The following AGBL1 variants were observed in gnomAD, a reference collection of about 807,000 sequenced individuals.
The protein encoded by AGBL1 is cytosolic carboxypeptidase 4.
AGBL1 carries 130 observed loss-of-function variants against 118.9 expected under a neutral mutation model. The ratio of observed to expected loss-of-function variants is 1.09; its 90% CI spans 0.95 to 1.26. The LOEUF (loss-of-function observed/expected upper bound fraction) is 1.26. Ranked by LOEUF, AGBL1 falls within the 50% of genes most tolerant of loss-of-function variation. The pLI, the probability that AGBL1 is intolerant of heterozygous loss-of-function variation, is 0.00. For missense variants in AGBL1, 1,584 were observed against 1,298.1 expected (o/e 1.22, Z -3.38); for synonymous variants, 555 against 478.9 (o/e 1.16, Z -2.08).
chr15:86,980,361 G>A (rs1020393067), intron 23 of AGBL1, among the ~76,000 whole-genome samples: 1 of 152,158 alleles, frequency 6.6e-6, no homozygotes, highest in Non-Finnish European at 1.5e-5. Flanking sequence ...TTTGCCACCT[G>A]CGGGAGCATT....
intron 17 of AGBL1, among the ~76,000 whole-genome samples, chr15:86,374,654 G>A (rs1827147326): frequency 6.6e-6 from 1 of 152,142 alleles, no homozygotes; most frequent in Non-Finnish European, 1.5e-5. Context: ...GCATCTATCT[G>A]GCCAAAAGGA....
intron 1 of AGBL1, among the ~76,000 whole-genome samples, chr15:86,096,850 A>C (rs1457197884): frequency 1.3e-5 from 2 of 152,178 alleles, no homozygotes; most frequent in Admixed American, 1.3e-4. Flanking sequence ...GGCTGATCTG[A>C]AGTCAAATGC....
intron 18 of AGBL1, among the ~76,000 whole-genome samples, chr15:86,484,338 C>A (rs140793933): frequency 7.8e-4 from 118 of 152,176 alleles, no homozygotes; most frequent in African/African-American, 2.7e-3. Context: ...CAGAGGAGGG[C>A]AGCGAATCAT....
chr15:86,495,103 A>ACTCT lies in AGBL1; in HGVS notation c.2556-27689_2556-27686dup, dbSNP rs34697784. On this transcript the variant is annotated intron_variant, in intron 18 of 22. Coordinates refer to ENST00000614907, the MANE Select transcript of AGBL1 (RefSeq NM_001386094.1). ...CTAGTGCGCTCCGTCTGTCTCGCTC[A>ACTCT]CTCTCTCTCTCTCTCTCTCTCGCTT... 1.0e-3 allele frequency among the ~76,000 whole-genome samples: 135 copies of ACTCT among 129,526 alleles called. 1 individual carries two copies. Among genetic ancestry groups the ACTCT allele is most frequent in the African/African-American group, 3.4e-3 (119 of 35,170 alleles). 85.0% of individuals were successfully genotyped at this position (129,526 alleles called of 152,430 possible).
chr15:86,259,068 A>G (rs1279915169), intron 9 of AGBL1, among the ~76,000 whole-genome samples: 3 of 152,202 alleles, frequency 2.0e-5, no homozygotes, highest in Admixed American at 6.5e-5. Context: ...TTTTTGTACA[A>G]CAAGTTTTCT....
chr15:86,298,683 T>A (rs888941300), intron 17 of AGBL1, among the ~76,000 whole-genome samples: 1 of 152,110 alleles, frequency 6.6e-6, no homozygotes, highest in Non-Finnish European at 1.5e-5. Flanking sequence ...GGGATTGCAT[T>A]TAGCTGCAAT....
At chr15:86,553,091 C>T (rs1476176616) in intron 20 of AGBL1, among the ~76,000 whole-genome samples, 1 of 152,136 alleles carries the variant, frequency 6.6e-6, no homozygotes, top group Non-Finnish European at 1.5e-5. Context: ...TTCTCATTAA[C>T]TTGTTATGCT....
intron 17 of AGBL1, among the ~76,000 whole-genome samples, chr15:86,352,746 A>G (rs2080647963): frequency 6.6e-6 from 1 of 152,126 alleles, no homozygotes; most frequent in Non-Finnish European, 1.5e-5. Context: ...TCAGCCTCCC[A>G]AAGTGCTGGG....
At chr15:86,327,448 G>C (rs1463986270) in intron 17 of AGBL1, among the ~76,000 whole-genome samples, 3 of 152,168 alleles carry the variant, frequency 2.0e-5, no homozygotes, top group African/African-American at 7.2e-5. Flanking sequence ...ACAGTAAAAT[G>C]TATTCTTTGG....
chr15:86,825,781 A>C (rs578105200), intron 22 of AGBL1, among the ~76,000 whole-genome samples: 20 of 151,802 alleles, frequency 1.3e-4, no homozygotes, highest in Non-Finnish European at 2.5e-4. Flanking sequence ...TACCTATCAG[A>C]ATGGCTACTT....
chr15:86,269,452 A>T (rs1263712012), intron 13 of AGBL1, among the ~76,000 whole-genome samples: 1 of 152,224 alleles, frequency 6.6e-6, no homozygotes, highest in Non-Finnish European at 1.5e-5. Flanking sequence ...TTTTCTAGCT[A>T]GATAAAAACT....
intron 19 of AGBL1, among the ~76,000 whole-genome samples, chr15:86,527,962 T>C (rs907757537): frequency 1.3e-5 from 2 of 152,170 alleles, no homozygotes; most frequent in African/African-American, 4.8e-5. Flanking sequence ...CAACCACTTA[T>C]CCATCCACCC....
chr15:86,783,625 C>T (rs115655973), intron 22 of AGBL1, among the ~76,000 whole-genome samples: 233 of 152,152 alleles, frequency 1.5e-3, no homozygotes, highest in African/African-American at 5.3e-3. Context: ...GGGACTCTAA[C>T]CCATTTTTAT....
intron 5 of AGBL1, among the ~76,000 whole-genome samples, chr15:86,214,293 AG>A (rs775072052): frequency 2.6e-5 from 4 of 152,194 alleles, no homozygotes; most frequent in Non-Finnish European, 5.9e-5. Flanking sequence ...ATATTTCAAG[AG>A]TGGATTATAT....
At chr15:86,465,641 G>C (rs2082394358) in intron 18 of AGBL1, among the ~76,000 whole-genome samples, 1 of 152,198 alleles carries the variant, frequency 6.6e-6, no homozygotes, top group Non-Finnish European at 1.5e-5. Flanking sequence ...GTCTTATGCA[G>C]TTGTAGATAA....
chr15:86,724,063 G>A (rs562319955), intron 22 of AGBL1, among the ~76,000 whole-genome samples: 27 of 151,918 alleles, frequency 1.8e-4, no homozygotes, highest in South Asian at 1.7e-3. Flanking sequence ...GTGAAAACCC[G>A]TCTCTAATAA....
intron 9 of AGBL1, 75 bp from the exon 10 acceptor site, chr15:86,262,703 C>A: frequency 1.0e-6 from 1 of 977,978 alleles, no homozygotes; most frequent in Non-Finnish European, 1.6e-6. Context: ...TGAAGAAGCA[C>A]ATACATATCA....
chr15:86,486,660 C>T (rs1567019850), intron 18 of AGBL1, among the ~76,000 whole-genome samples: 2 of 152,060 alleles, frequency 1.3e-5, no homozygotes, highest in African/African-American at 4.8e-5. Context: ...TATTATAGTA[C>T]AGACTTTTTA....
intron 22 of AGBL1, among the ~76,000 whole-genome samples, chr15:86,787,296 A>G (rs1415093378): frequency 1.3e-5 from 2 of 152,136 alleles, no homozygotes; most frequent in Non-Finnish European, 2.9e-5. Context: ...TCAGTATGCA[A>G]TACAGTATTA....
Sources: allele counts gnomAD v4.1 joint callset (sites outside exome capture counted in the v4.1 genomes callset), GRCh38; gene constraint gnomAD v4.1.1; transcripts MANE v1.5; gene names NCBI Gene and HGNC (gene_info 2026-07-23, HGNC 2026-07-21).